EYS: variants seen among roughly 807,000 people sequenced by gnomAD.
EYS encodes EGF-like photoreceptor maintenance factor.
Under a neutral mutation model 282.1 loss-of-function variants are expected in EYS, and 250 were observed. That is an observed-to-expected ratio of 0.89 (90% CI 0.80 to 0.98). EYS has a LOEUF of 0.98. EYS is among the 50% of genes least tolerant of loss of function. EYS has a pLI of 0.00. For synonymous variants in EYS, 1,355 were observed against 1,282.9 expected (o/e 1.06, Z -1.20); for missense variants, 4,016 against 3,709.0 (o/e 1.08, Z -2.15).
chr6:65,599,400 C>T (rs1765535694), intron 2 of EYS, among the ~76,000 whole-genome samples: 1 of 151,958 alleles, frequency 6.6e-6, no homozygotes, highest in Admixed American at 6.6e-5. Context: ...TTGGCTGATC[C>T]AGAAGATTCA....
At chr6:64,425,593 G>A (rs535568920) in intron 28 of EYS, among the ~76,000 whole-genome samples, 1 of 147,042 alleles carries the variant, frequency 6.8e-6, no homozygotes, top group Non-Finnish European at 1.5e-5. Context: ...GTCGGAAGTT[G>A]CAGTCAGCTG....
chr6:64,711,423 A>G (rs1484120241), intron 22 of EYS, among the ~76,000 whole-genome samples: 1 of 152,230 alleles, frequency 6.6e-6, no homozygotes, highest in Non-Finnish European at 1.5e-5. Context: ...ATAAGAGGAA[A>G]AAAACACTAA....
chr6:64,884,405 C>T (rs777850835), intron 19 of EYS, among the ~76,000 whole-genome samples: 1 of 151,368 alleles, frequency 6.6e-6, no homozygotes, highest in Admixed American at 6.6e-5. Context: ...TCTGTCACTA[C>T]CAGATGTATG....
intron 14 of EYS, among the ~76,000 whole-genome samples, chr6:64,978,963 G>A (rs757747857): frequency 2.0e-4 from 31 of 151,806 alleles, no homozygotes; most frequent in Non-Finnish European, 3.5e-4. Flanking sequence ...ATCTACTTCT[G>A]GTGAAGATGC....
At chr6:64,188,624 C>A (rs1166551085) in intron 31 of EYS, among the ~76,000 whole-genome samples, 2 of 152,116 alleles carry the variant, frequency 1.3e-5, no homozygotes, top group Non-Finnish European at 2.9e-5. Flanking sequence ...ACATGACTGA[C>A]AAATGGTGGA....
At chr6:64,333,060 G>C (rs1395763741) in intron 29 of EYS, among the ~76,000 whole-genome samples, 4 of 152,096 alleles carry the variant, frequency 2.6e-5, no homozygotes, top group Non-Finnish European at 4.4e-5. Context: ...CTAAAACTCT[G>C]TTATACCAGA....
At chr6:64,465,772 ATCT>A (rs1170420862) in intron 26 of EYS, among the ~76,000 whole-genome samples, 2 of 152,082 alleles carry the variant, frequency 1.3e-5, no homozygotes, top group African/African-American at 2.4e-5. Flanking sequence ...CAAATTAAAA[ATCT>A]TCTGCGTAGC....
chr6:64,757,934 G>A (rs556588067), intron 22 of EYS, among the ~76,000 whole-genome samples: 12 of 151,916 alleles, frequency 7.9e-5, no homozygotes, highest in South Asian at 2.1e-4. Context: ...ACAGGCGCCC[G>A]CCTAAGTTTT....
At chr6:64,447,322 T>C (rs1465948278) in intron 26 of EYS, among the ~76,000 whole-genome samples, 1 of 152,138 alleles carries the variant, frequency 6.6e-6, no homozygotes, top group Non-Finnish European at 1.5e-5. Flanking sequence ...AATCCAACTT[T>C]ACATAATCCA....
chr6:64,086,665 C>T (rs1391910317), intron 31 of EYS, among the ~76,000 whole-genome samples: 1 of 152,146 alleles, frequency 6.6e-6, no homozygotes, highest in East Asian at 1.9e-4. Context: ...AGCATTGTAT[C>T]CGCAACTTTT....
At chr6:64,103,176 G>A (rs540416637) in intron 31 of EYS, among the ~76,000 whole-genome samples, 1 of 152,218 alleles carries the variant, frequency 6.6e-6, no homozygotes, top group South Asian at 2.1e-4. Flanking sequence ...GTGGTTATGG[G>A]AGGAAAATCT....
At chr6:64,592,667 TA>T (rs1162376726) in intron 25 of EYS, among the ~76,000 whole-genome samples, 1 of 152,086 alleles carries the variant, frequency 6.6e-6, no homozygotes, top group East Asian at 1.9e-4. Flanking sequence ...ATTGGACATG[TA>T]AAAAACAGCC....
At chr6:64,030,039 C>A (rs1388419646) in intron 33 of EYS, among the ~76,000 whole-genome samples, 1 of 152,000 alleles carries the variant, frequency 6.6e-6, no homozygotes, top group Non-Finnish European at 1.5e-5. Flanking sequence ...GAGGGGAGAA[C>A]AGCAGCATAA....
At chr6:65,676,570 C>A (rs1037453801) in intron 1 of EYS, among the ~76,000 whole-genome samples, 1 of 151,618 alleles carries the variant, frequency 6.6e-6, no homozygotes, top group Non-Finnish European at 1.5e-5. Context: ...TAAGCAAAAA[C>A]CTCTCAACAG....
chr6:65,341,980 C>A (rs1264532423), intron 10 of EYS, among the ~76,000 whole-genome samples: 1 of 151,186 alleles, frequency 6.6e-6, no homozygotes, highest in African/African-American at 2.4e-5. Flanking sequence ...TACATGATTT[C>A]TCTTCCCAAA....
chr6:65,007,419 C>G (rs1371251586), intron 13 of EYS, among the ~76,000 whole-genome samples: 1 of 152,162 alleles, frequency 6.6e-6, no homozygotes, highest in Non-Finnish European at 1.5e-5. Context: ...CCACTATACC[C>G]TCTTCAAGGG....
chr6:64,107,275 ATATATATATT>A (rs1464603724), intron 31 of EYS, among the ~76,000 whole-genome samples: 8 of 107,552 alleles, frequency 7.4e-5, no homozygotes, highest in Admixed American at 2.3e-4. Context: ...GTGTGTGTAT[ATATATATATT>A]TATATATATA....
intron 5 of EYS, among the ~76,000 whole-genome samples, chr6:65,489,113 C>T (rs959524337): frequency 6.6e-6 from 1 of 152,074 alleles, no homozygotes; most frequent in Non-Finnish European, 1.5e-5. Context: ...CAACAAAAGC[C>T]AAAATTGACA....
chr6:64,687,264 T>C (rs576538214), intron 22 of EYS, among the ~76,000 whole-genome samples: 8 of 152,168 alleles, frequency 5.3e-5, no homozygotes, highest in Non-Finnish European at 1.0e-4. Flanking sequence ...CCAATATTTC[T>C]CATGAACATG....
Sources: allele counts gnomAD v4.1 joint callset (sites outside exome capture counted in the v4.1 genomes callset), GRCh38; gene constraint gnomAD v4.1.1; transcripts MANE v1.5; gene names NCBI Gene and HGNC (gene_info 2026-07-23, HGNC 2026-07-21).